Variants in PLXNB1 observed in about 807,000 individuals in gnomAD.
PLXNB1 encodes plexin-B1.
PLXNB1 carries 106 observed loss-of-function variants against 209.4 expected under a neutral mutation model. The observed-to-expected ratio is 0.51, with a 90% CI of 0.43 to 0.59. PLXNB1 has a LOEUF of 0.59. Among genes scored for constraint, PLXNB1 ranks in the 20% least tolerant of loss-of-function variants. PLXNB1 has a pLI of 0.00. For synonymous variants in PLXNB1, 1,167 were observed against 1,183.2 expected, an observed-to-expected ratio of 0.99 and a Z score of 0.28; for missense variants, 2,357 against 2,853.2, an observed-to-expected ratio of 0.83 and a Z score of 3.96.
chr3:48,419,631 G>GA lies in PLXNB1; in HGVS notation c.2654dup (p.Ile886HisfsTer11). Reference sequence around the variant, plus strand: ...GGTAGTCGAGGCTGGACGGGAGGATGAGGGGGGCGGGAGGGCCCTCAAGCT... The same window carrying GA: ...GGTAGTCGAGGCTGGACGGGAGGATGAAGGGGGGCGGGAGGGCCCTCAAGCT... On this transcript the variant is annotated frameshift_variant, in exon 11 of 38. Transcript: ENST00000296440. LOFTEE classifies it high-confidence loss of function. The surrounding 1 kb of genome is among the most constrained non-coding windows in gnomAD (Gnocchi z 5.7). 6.2e-7 allele frequency: 1 copy of GA among 1,612,646 alleles called. No individual in the cohort carries two copies. The highest frequency in any genetic ancestry group is 8.5e-7 in the Non-Finnish European group (1 of 1,179,926).
chr3:48,412,383 G>A (rs1484492528), intron 26 of PLXNB1, 59 bp downstream of exon 26: 9 of 1,610,606 alleles, frequency 5.6e-6, no homozygotes, highest in East Asian at 4.5e-5. Context: ...CCCCCAGCCC[G>A]AGGCCCCACC....
intron 8 of PLXNB1, 72 bp from the exon 9 acceptor site, chr3:48,421,028 G>T: frequency 7.3e-7 from 1 of 1,376,028 alleles, no homozygotes; most frequent in African/African-American, 1.4e-5. Flanking sequence ...GATATCCTGA[G>T]CCCTTGAATG....
At position 48,422,802 on chromosome 3, in the gene PLXNB1, A is replaced by G; in HGVS notation, c.1253T>C (p.Ile418Thr). The G allele has an allele frequency of 1.2e-6, 2 of 1,614,064 alleles. No individual in the cohort carries two copies. The highest frequency in any genetic ancestry group is 1.7e-6 in the Non-Finnish European group (2 of 1,179,962). The change falls in exon 4 of 38, where the codon ATC becomes ACC. Residue 418 changes from isoleucine (I) to threonine (T), a missense_variant. Ile to Thr is a moderately conservative substitution (Grantham distance 89, BLOSUM62 -1). This residue lies in a region of PLXNB1 where 404 missense variants were observed against 443.6 expected (regional missense o/e 0.91). Transcript: ENST00000296440. ...CCCTTGACTATCACCCAGGAAAGCG[A>G]TGGTGTGTCCATCTTCCATGGTGAC... ...VAVTMEDGHTIAFLGDSQGQL... is the reference protein window; with the variant it reads ...VAVTMEDGHTTAFLGDSQGQL...
At chr3:48,428,715 G>A (rs1440065231) in intron 1 of PLXNB1, among the ~76,000 whole-genome samples, 1 of 151,946 alleles carries the variant, frequency 6.6e-6, no homozygotes, top group Non-Finnish European at 1.5e-5. Context: ...TGTGTGTTGA[G>A]GAGGGGTGGG....
chr3:48,410,808 T>C lies in PLXNB1; in HGVS notation c.5416+60A>G. 1.3e-6 allele frequency: 2 copies of C among 1,508,802 alleles called. No homozygotes were observed. Among genetic ancestry groups the C allele is most frequent in the Non-Finnish European group, 1.8e-6 (2 of 1,109,652 alleles). The allele number at this position is 1,508,802 out of a possible 1,614,324, so 93.5% of individuals were successfully genotyped here. A position where few individuals can be genotyped will look rare whatever the true frequency, so the allele number is the denominator to read the frequency against. On this transcript the variant is annotated intron_variant, in intron 29 of 37. Coordinates refer to ENST00000296440, the MANE Select transcript of PLXNB1 (RefSeq NM_001130082.3). The surrounding 1 kb of genome is among the most constrained non-coding windows in gnomAD (Gnocchi z 6.4). ...TGATGAGTTGTCCCTGCAGAGTTGG[T>C]CCGGGGCCAGCCCAGGCCCAACAGT... is the stretch of plus-strand genomic sequence containing the variant.
In PLXNB1 at chr3:48,415,191, G is replaced by C; in HGVS notation, c.3951C>G (p.Ser1317=). 6.2e-7 allele frequency: 1 copy of C among 1,612,894 alleles called. No homozygotes were observed. ...VPETACSLGP[S]CSSQQFEEPC... Reference sequence around the variant, plus strand: ...GGTGTCCTACTTGCTGGCTACTGCAGGAGGGTCCAAGGGAACATGCCGTCT... The same window carrying C: ...GGTGTCCTACTTGCTGGCTACTGCACGAGGGTCCAAGGGAACATGCCGTCT... Residue 1317 remains serine (S), a synonymous_variant, in exon 20 of 38, where the codon TCC becomes TCG. Coordinates refer to ENST00000296440, the MANE Select transcript of PLXNB1 (RefSeq NM_001130082.3). The surrounding 1 kb of genome is among the most constrained non-coding windows in gnomAD (Gnocchi z 5.0).
At chr3:48,421,056 T>C (rs778995524) in intron 8 of PLXNB1, 100 bp from the exon 9 acceptor site, 13 of 1,265,718 alleles carry the variant, frequency 1.0e-5, no homozygotes, top group Non-Finnish European at 1.5e-5. Flanking sequence ...GGACCCGGGA[T>C]GAGGGAATAC....
rs1247566887 is a variant in PLXNB1, at chr3:48,416,482, A to C, written c.3375-31T>G. On this transcript the variant is annotated intron_variant, in intron 16 of 37. Coordinates refer to ENST00000296440, the MANE Select transcript of PLXNB1 (RefSeq NM_001130082.3). The surrounding 1 kb of genome is among the most constrained non-coding windows in gnomAD (Gnocchi z 4.1). The stretch of plus-strand genomic sequence containing the variant: ...GGCACAGGGCAGGCTAGGGGGTGCC[A>C]GGCTGCATCAAGGGCCCCTCAAGCT... 4 of 1,509,634 alleles carry C rather than the reference A, an allele frequency of 2.6e-6. No individual in the cohort carries two copies. The African/African-American group carries it at 5.5e-5, about 21-fold the overall frequency. 93.5% of individuals were successfully genotyped at this position (1,509,634 alleles called of 1,614,324 possible). A position where few individuals can be genotyped will look rare whatever the true frequency, so the allele number is the denominator to read the frequency against.
Position 48,419,620 on chromosome 3 carries a change from G to C in PLXNB1, c.2666C>G (p.Ser889Cys). Reference protein sequence around the residue: ...EGPPAPLILPSSLDYQYDTPG... With the variant: ...EGPPAPLILPCSLDYQYDTPG... Reference sequence around the variant, plus strand: ...GGTGTCATACTGGTAGTCGAGGCTGGACGGGAGGATGAGGGGGGCGGGAGG... The same window carrying C: ...GGTGTCATACTGGTAGTCGAGGCTGCACGGGAGGATGAGGGGGGCGGGAGG... The change falls in exon 11 of 38, where the codon TCC (serine) becomes TGC (cysteine). Residue 889 changes from serine to cysteine, a missense_variant. This residue lies in a region of PLXNB1 where 410 missense variants were observed against 401.0 expected (regional missense o/e 1.02). Coordinates refer to ENST00000296440, the MANE Select transcript of PLXNB1 (RefSeq NM_001130082.3). The surrounding 1 kb of genome is among the most constrained non-coding windows in gnomAD (Gnocchi z 5.7). 1 of 1,612,564 alleles carries C rather than the reference G, an allele frequency of 6.2e-7. No individual in the cohort carries two copies. The highest frequency in any genetic ancestry group is 8.5e-7 in the Non-Finnish European group (1 of 1,179,838).
At position 48,409,638 on chromosome 3, in the gene PLXNB1, G is replaced by T; in HGVS notation, c.5872C>A (p.Leu1958Met). The T allele has an allele frequency of 1.2e-6, 2 of 1,614,002 alleles. No homozygotes were observed. The highest frequency in any genetic ancestry group is 1.7e-6 in the Non-Finnish European group (2 of 1,180,004). The change falls in exon 33 of 38, where the codon CTG becomes ATG. Residue 1958 changes from leucine to methionine, a missense_variant. By Grantham distance (15) the Leu-to-Met change is conservative. Around this residue, in one of 7 missense-constraint regions of PLXNB1, gnomAD observed 414 missense variants for 520.5 expected, o/e 0.80. Coordinates refer to ENST00000296440, the MANE Select transcript of PLXNB1 (RefSeq NM_001130082.3). The surrounding 1 kb of genome is among the most constrained non-coding windows in gnomAD (Gnocchi z 5.8). Reference sequence around the variant, plus strand: ...CCATGCTGCTGGGCCTGCTCATCCAGCAGGTCAAAGAAGTACTTCACAGCG... The same window carrying T: ...CCATGCTGCTGGGCCTGCTCATCCATCAGGTCAAAGAAGTACTTCACAGCG... ...PLAVKYFFDLLDEQAQQHGIS... is the reference protein window; with the variant it reads ...PLAVKYFFDLMDEQAQQHGIS...
At chr3:48,423,035 G>T in intron 3 of PLXNB1, 88 bp from the exon 4 acceptor site, 2 of 1,181,008 alleles carry the variant, frequency 1.7e-6, no homozygotes, top group Non-Finnish European at 2.4e-6. Context: ...CCCTCCCCCA[G>T]CCGCTCTGGT....
Position 48,406,733 on chromosome 3 carries a change from G to T in PLXNB1, c.6228+90C>A. 1 of 1,491,370 alleles carries T rather than the reference G, an allele frequency of 6.7e-7. No individual in the cohort carries two copies. 92.4% of individuals were successfully genotyped at this position (1,491,370 alleles called of 1,614,324 possible). A position where few individuals can be genotyped will look rare whatever the true frequency, so the allele number is the denominator to read the frequency against. On this transcript the variant is annotated intron_variant, in intron 36 of 37. Transcript: ENST00000296440. This position sits in a 1 kb window ranked among gnomAD's most constrained non-coding sequence, Gnocchi z 4.4. ...CTCACAGGGCTGCTGAGGTTCCCAA[G>T]GGCTTCCCTGCAAAGGGGCAGTGTG...
In PLXNB1 at chr3:48,429,366, C is replaced by T. The variant is rs1031315519; in HGVS notation, c.-60+642G>A. 1.3e-5 allele frequency: 2 copies of T among 151,278 alleles called. No individual in the cohort carries two copies. Among genetic ancestry groups the T allele is most frequent in the African/African-American group, 4.8e-5 (2 of 41,318 alleles). The allele number at this position is 151,278 out of a possible 1,614,324, so 9.4% of individuals were successfully genotyped here. A position where few individuals can be genotyped will look rare whatever the true frequency, so the allele number is the denominator to read the frequency against. ...GTCTGGCGGAGCCGCAGCTGTTACC[C>T]GGAGACCGAGGGGCGGAAAACTGCG... is the stretch of plus-strand genomic sequence containing the variant. On this transcript the variant is annotated intron_variant, in intron 1 of 37. Coordinates refer to ENST00000296440, the MANE Select transcript of PLXNB1 (RefSeq NM_001130082.3). This position sits in a 1 kb window ranked among gnomAD's most constrained non-coding sequence, Gnocchi z 6.4.
At chr3:48,414,440 A>C (rs2037930282) in intron 21 of PLXNB1, among the ~76,000 whole-genome samples, 1 of 152,204 alleles carries the variant, frequency 6.6e-6, no homozygotes, top group Non-Finnish European at 1.5e-5. Context: ...GTGTATGTCC[A>C]AGACACATGC....
chr3:48,417,973 G>C lies in PLXNB1; in HGVS notation c.3312C>G (p.Gly1104=). 6.2e-7 allele frequency: 1 copy of C among 1,613,514 alleles called. No individual in the cohort carries two copies. ...AGGGCACTCCAGCCACCGTGACCAT[G>C]CCCAGCACATCCTGCACATGCTGGC... ...NLGQHVQDVL[G]MVTVAGVPCA... is the part of the protein sequence containing the mutation. The change falls in exon 16 of 38, where the codon GGC becomes GGG. Residue 1104 remains glycine (G), a synonymous_variant. Coordinates refer to ENST00000296440, the MANE Select transcript of PLXNB1 (RefSeq NM_001130082.3). The surrounding 1 kb of genome is among the most constrained non-coding windows in gnomAD (Gnocchi z 4.4).
intron 21 of PLXNB1, among the ~76,000 whole-genome samples, 164 bp downstream of exon 21, chr3:48,414,635 G>A (rs2037947387): frequency 6.6e-6 from 1 of 152,170 alleles, no homozygotes; most frequent in African/African-American, 2.4e-5. Flanking sequence ...GCTAGGCTAG[G>A]CACCCCCCAC....
In PLXNB1 at chr3:48,419,087, A is replaced by C. The variant is rs192342298; in HGVS notation, c.2833-48T>G. 4 of 1,605,840 alleles carry C rather than the reference A, an allele frequency of 2.5e-6. No homozygotes were observed. The East Asian group carries it at 9.0e-5, about 36-fold the overall frequency. Reference sequence around the variant, plus strand: ...TTGGGCAGCTTCAGGAGCTGGGCCCAGGGAGTCCTGCAGGTCACCCAACAG... The same window carrying C: ...TTGGGCAGCTTCAGGAGCTGGGCCCCGGGAGTCCTGCAGGTCACCCAACAG... On this transcript the variant is annotated intron_variant, in intron 12 of 37. Coordinates refer to ENST00000296440, the MANE Select transcript of PLXNB1 (RefSeq NM_001130082.3). The surrounding 1 kb of genome is among the most constrained non-coding windows in gnomAD (Gnocchi z 5.7).
intron 2 of PLXNB1, 34 bp downstream of exon 2, chr3:48,425,247 T>A (rs2038822967): frequency 6.6e-6 from 1 of 152,190 alleles, no homozygotes; most frequent in African/African-American, 2.4e-5. Flanking sequence ...GGAGTCATGC[T>A]GCTCCTAGAT....
At position 48,417,865 on chromosome 3, in the gene PLXNB1, G is replaced by A. The variant is rs1308982828; in HGVS notation, c.3374+46C>T. On this transcript the variant is annotated intron_variant, in intron 16 of 37. Transcript: ENST00000296440. This position sits in a 1 kb window ranked among gnomAD's most constrained non-coding sequence, Gnocchi z 4.4. ...GCCCCAAGCAGCAACGCCAACCGCG[G>A]AGGCCCCAGGCTGCGCCGTGCTCCT... 1 of 1,568,214 alleles carries A rather than the reference G, an allele frequency of 6.4e-7. No homozygotes were observed. Among genetic ancestry groups the A allele is most frequent in the Non-Finnish European group, 8.7e-7 (1 of 1,152,756 alleles).
Sources: gnomAD v4.1 joint callset for allele counts (sites outside exome capture counted in the v4.1 genomes callset) on GRCh38, gnomAD v4.1.1 for gene constraint, gnomAD v4.1.1 regional missense constraint, Gnocchi (gnomAD v3.1) non-coding constraint, MANE v1.5 for transcripts, NCBI Gene and HGNC (gene_info 2026-07-23, HGNC 2026-07-21) for gene names.